Variants in CARD10 observed in about 807,000 individuals in gnomAD.
CARD10 encodes the protein caspase recruitment domain-containing protein 10.
A neutral mutation model predicts 114.6 loss-of-function variants in CARD10; 49 were observed. That is an observed-to-expected ratio of 0.43 (90% CI 0.34 to 0.54). CARD10 has a LOEUF of 0.54. Ranked by LOEUF, CARD10 falls within the 20% of genes least tolerant of loss-of-function variation. CARD10 has a pLI of 0.03. For missense variants in CARD10, 1,206 were observed against 1,397.2 expected (o/e 0.86, Z 2.18); for synonymous variants, 602 against 593.2 (o/e 1.01, Z -0.21).
intron 16 of CARD10, among the ~76,000 whole-genome samples, chr22:37,493,479 G>A (rs886858760): frequency 2.0e-5 from 3 of 152,116 alleles, no homozygotes; most frequent in South Asian, 2.1e-4. Context: ...GGACAGTCAC[G>A]TCCCCAATGC....
chr22:37,510,155 G>T, intron 4 of CARD10, 57 bp downstream of exon 4: 3 of 1,480,868 alleles, frequency 2.0e-6, no homozygotes, highest in Non-Finnish European at 2.8e-6. Flanking sequence ...CCCAGTACCT[G>T]CTGCAGGCCC....
In CARD10 at chr22:37,495,842, G is replaced by A. The variant is rs368640149; in HGVS notation, c.2221C>T (p.Arg741Trp). 61 of 1,614,020 alleles carry A rather than the reference G, an allele frequency of 3.8e-5. No homozygotes were observed. Among genetic ancestry groups the A allele is most frequent in the Non-Finnish European group, 4.5e-5 (53 of 1,180,050 alleles). Residue 741 changes from arginine (R) to tryptophan (W), a missense_variant, in exon 14 of 20, where the codon CGG (arginine) becomes TGG (tryptophan). By Grantham distance (101) the Arg-to-Trp change is moderately radical. This residue lies in a region of CARD10 where 1,068 missense variants were observed against 1,179.1 expected (regional missense o/e 0.91). Coordinates refer to ENST00000251973, the MANE Select transcript of CARD10 (RefSeq NM_014550.4). ...ILRLVDSAYK[R>W]RQEWFCTRVD... ...CGGGTGCAGAACCATTCCTGCCTCC[G>A]CTTGTATGCCGAGTCCACCAGTCGA... is the stretch of plus-strand genomic sequence containing the variant.
At position 37,497,100 on chromosome 22, in the gene CARD10, C is replaced by T. The variant is rs201385412; in HGVS notation, c.1866G>A (p.Ser622=). 61 of 1,614,256 alleles carry T rather than the reference C, an allele frequency of 3.8e-5. No homozygotes were observed. The highest frequency in any genetic ancestry group is 1.7e-4 in the African/African-American group (13 of 75,070). Residue 622 remains serine, a synonymous_variant, in exon 12 of 20, where the codon TCG becomes TCA. Coordinates refer to ENST00000251973, the MANE Select transcript of CARD10 (RefSeq NM_014550.4). ...CCCCAGACCATCTGTCCCCATAAAA[C>T]GACAGTCCATCTGGTCCCTTGTCCT... ...EPQDKGPDGL[S]FYGDRWSGAV...
Position 37,492,338 on chromosome 22 carries a change from C to A in CARD10, c.2751+97G>T. ...GCCGCCCTGCCAGTGAGCAGCAGAG[C>A]ATGGCCCGCGCTCAGACGCTGGCGC... is the stretch of plus-strand genomic sequence containing the variant. On this transcript the variant is annotated intron_variant, in intron 18 of 19. Transcript: ENST00000251973. The surrounding 1 kb of genome is among the most constrained non-coding windows in gnomAD (Gnocchi z 5.7). 1 of 909,546 alleles carries A rather than the reference C, an allele frequency of 1.1e-6. No homozygotes were observed. The highest frequency in any genetic ancestry group is 2.9e-5 in the Admixed American group (1 of 34,974). 56.3% of individuals were successfully genotyped at this position (909,546 alleles called of 1,614,324 possible). A position where few individuals can be genotyped will look rare whatever the true frequency, so the allele number is the denominator to read the frequency against.
At position 37,519,274 on chromosome 22, in the gene CARD10, C is replaced by T. The variant is rs981074990; in HGVS notation, c.-74G>A. ...GGGCTCCCTAGGGCTAGATGTGCGGCCAAGCACCCCCGGGGCGTCGTCCGC... is the reference window on the plus strand; with the variant it reads ...GGGCTCCCTAGGGCTAGATGTGCGGTCAAGCACCCCCGGGGCGTCGTCCGC... On this transcript the variant is annotated 5_prime_UTR_variant, in exon 1 of 20. Transcript: ENST00000251973. The surrounding 1 kb of genome is among the most constrained non-coding windows in gnomAD (Gnocchi z 4.1). The T allele has an allele frequency of 5.8e-6, 8 of 1,389,230 alleles. No homozygotes were observed. The South Asian group carries it at 9.6e-5, about 17-fold the overall frequency. The allele number at this position is 1,389,230 out of a possible 1,614,324, so 86.1% of individuals were successfully genotyped here.
chr22:37,518,457 C>T (rs904080382), intron 1 of CARD10, among the ~76,000 whole-genome samples: 1 of 152,194 alleles, frequency 6.6e-6, no homozygotes, highest in Admixed American at 6.5e-5. Context: ...GAAATTCCAC[C>T]ATTAAAGACC....
rs201423754 is a variant in CARD10, at chr22:37,497,164, C to T, written c.1802G>A (p.Arg601Gln). ...CCCTGGGGGGCTCCGGCCAGACACCCGAATAGCCAGAGACCTGAGAAGGGA... is the reference window on the plus strand; with the variant it reads ...CCCTGGGGGGCTCCGGCCAGACACCTGAATAGCCAGAGACCTGAGAAGGGA... ...LDFLNRSLAI[R>Q]VSGRSPPGGP... is the part of the protein sequence containing the mutation. The change falls in exon 12 of 20, where the codon CGG becomes CAG. Residue 601 changes from arginine to glutamine, a missense_variant. Coordinates refer to ENST00000251973, the MANE Select transcript of CARD10 (RefSeq NM_014550.4). 207 of 1,613,156 alleles carry T rather than the reference C, an allele frequency of 1.3e-4. 3 individuals carry two copies. The Middle Eastern group carries it at 5.9e-3, about 46-fold the overall frequency.
Position 37,495,023 on chromosome 22 carries a change from C to T in CARD10, c.2373+494G>A, listed in dbSNP as rs559554771. Among the ~76,000 whole-genome samples the T allele has an allele frequency of 5.9e-5, 9 of 151,972 alleles. No homozygotes were observed. The East Asian group carries it at 9.7e-4, about 16-fold the overall frequency. On this transcript the variant is annotated intron_variant, in intron 15 of 19. Transcript: ENST00000251973. ...TGTGGCCCAGGCTGGAGTGCAGTGG[C>T]GCGATCTTGGCTCACTGCAAGCTCC...
In CARD10 at chr22:37,504,199, C is replaced by T. The variant is rs542339780; in HGVS notation, c.1621G>A (p.Ala541Thr). 64 of 1,561,538 alleles carry T rather than the reference C, an allele frequency of 4.1e-5. No individual in the cohort carries two copies. In the South Asian group the frequency reaches 4.4e-4, roughly 11 times the overall value. ...ILRRQREEDP[A>T]PPKRSFSSMS... ...CAGCCATCTCACCTCTTAGGGGGTGCGGGGTCTTCCTCACGCTGCCGGCGG... is the reference window on the plus strand; with the variant it reads ...CAGCCATCTCACCTCTTAGGGGGTGTGGGGTCTTCCTCACGCTGCCGGCGG... Residue 541 changes from alanine (A) to threonine (T), a missense_variant, in exon 9 of 20, where the codon GCA becomes ACA. Ala to Thr is a moderately conservative substitution (Grantham distance 58). Transcript: ENST00000251973.
chr22:37,510,011 C>G (rs1219845959), intron 4 of CARD10, among the ~76,000 whole-genome samples: 1 of 82,908 alleles, frequency 1.2e-5, no homozygotes, highest in Non-Finnish European at 2.6e-5. Flanking sequence ...CACCCCCGTG[C>G]CCATGGGCCC....
chr22:37,494,299 G>A lies in CARD10; in HGVS notation c.2374-111C>T, dbSNP rs1005552538. ...GGGCCCCACTGCCACTGTGGTCCAG[G>A]CTTGCCAGAAGAGCCTGGGTCAGCA... is the stretch of plus-strand genomic sequence containing the variant. On this transcript the variant is annotated intron_variant, in intron 15 of 19. Coordinates refer to ENST00000251973, the MANE Select transcript of CARD10 (RefSeq NM_014550.4). 2.1e-5 allele frequency: 15 copies of A among 706,458 alleles called. No individual in the cohort carries two copies. In the African/African-American group the frequency reaches 2.5e-4, roughly 12 times the overall value. 43.8% of individuals were successfully genotyped at this position (706,458 alleles called of 1,614,324 possible).
In CARD10 at chr22:37,491,817, C is replaced by G. The variant is rs1199409257; in HGVS notation, c.2802G>C (p.Gln934His). Reference protein sequence around the residue: ...LGARGVRELVQNEIYPIVIHV... With the variant: ...LGARGVRELVHNEIYPIVIHV... ...GGATGACGATGGGGTAGATCTCGTTCTGCACCAGCTCCCGCACACCCCGAG... is the reference window on the plus strand; with the variant it reads ...GGATGACGATGGGGTAGATCTCGTTGTGCACCAGCTCCCGCACACCCCGAG... The change falls in exon 19 of 20, where the codon CAG (glutamine) becomes CAC (histidine). Residue 934 changes from glutamine (Q) to histidine (H), a missense_variant. Coordinates refer to ENST00000251973, the MANE Select transcript of CARD10 (RefSeq NM_014550.4). 1 of 1,439,644 alleles carries G rather than the reference C, an allele frequency of 6.9e-7. No individual in the cohort carries two copies. The highest frequency in any genetic ancestry group is 1.1e-5 in the South Asian group (1 of 88,462). The allele number at this position is 1,439,644 out of a possible 1,614,324, so 89.2% of individuals were successfully genotyped here.
At chr22:37,495,406 G>A (rs910833868) in intron 15 of CARD10, 111 bp downstream of exon 15, 4 of 780,376 alleles carry the variant, frequency 5.1e-6, no homozygotes, top group Non-Finnish European at 2.1e-6. Flanking sequence ...AAATCACCAG[G>A]GAAGGAGGGA....
At chr22:37,507,583 C>T (rs1462856556) in intron 6 of CARD10, among the ~76,000 whole-genome samples, 1 of 152,210 alleles carries the variant, frequency 6.6e-6, no homozygotes, top group Non-Finnish European at 1.5e-5. Flanking sequence ...AATGAAGACA[C>T]CAGGACCAGC....
chr22:37,507,848 A>G lies in CARD10; in HGVS notation c.1172T>C (p.Ile391Thr), dbSNP rs769186770. 43 of 1,613,920 alleles carry G rather than the reference A, an allele frequency of 2.7e-5. No individual in the cohort carries two copies. Among genetic ancestry groups the G allele is most frequent in the East Asian group, 2.0e-4 (9 of 44,878 alleles). ...GCTCACCTGGTCTCGCTCCTTCTCA[A>G]TCTCCTCCAGTTGGGCCAGGACAGT... ...MATVLAQLEE[I>T]EKERDQAIQS... The change falls in exon 6 of 20, where the codon ATT (isoleucine) becomes ACT (threonine). Residue 391 changes from isoleucine (I) to threonine (T), a missense_variant. By Grantham distance (89) the Ile-to-Thr change is moderately conservative. This residue lies in a region of CARD10 where 1,068 missense variants were observed against 1,179.1 expected (regional missense o/e 0.91). Coordinates refer to ENST00000251973, the MANE Select transcript of CARD10 (RefSeq NM_014550.4).
intron 11 of CARD10, among the ~76,000 whole-genome samples, chr22:37,500,514 G>A (rs997955392): frequency 2.0e-5 from 3 of 148,310 alleles, no homozygotes; most frequent in East Asian, 2.0e-4. Flanking sequence ...ATCCCCTCCC[G>A]GCACCCAGGC....
At chr22:37,509,495 T>C (rs921892296) in intron 4 of CARD10, among the ~76,000 whole-genome samples, 9 of 152,038 alleles carry the variant, frequency 5.9e-5, no homozygotes, top group Non-Finnish European at 1.3e-4. Flanking sequence ...AGATCTCAGA[T>C]CCCTGGTTCT....
At position 37,496,529 on chromosome 22, in the gene CARD10, G is replaced by C; in HGVS notation, c.1979C>G (p.Ala660Gly). The change falls in exon 13 of 20, where the codon GCG becomes GGG. Residue 660 changes from alanine to glycine, a missense_variant. This residue lies in a region of CARD10 where 1,068 missense variants were observed against 1,179.1 expected (regional missense o/e 0.91). Coordinates refer to ENST00000251973, the MANE Select transcript of CARD10 (RefSeq NM_014550.4). The surrounding 1 kb of genome is among the most constrained non-coding windows in gnomAD (Gnocchi z 4.1). The part of the protein sequence containing the change: ...QRVEAAGLEG[A>G]CLEAEAQQRT... Reference sequence around the variant, plus strand: ...CTGCTGGGCCTCGGCTTCCAGGCACGCCCCCTCCAGACCAGCAGCTTCCAC... The same window carrying C: ...CTGCTGGGCCTCGGCTTCCAGGCACCCCCCCTCCAGACCAGCAGCTTCCAC... The C allele has an allele frequency of 1.2e-6, 2 of 1,613,496 alleles. No individual in the cohort carries two copies. The highest frequency in any genetic ancestry group is 1.7e-6 in the Non-Finnish European group (2 of 1,179,774).
rs771890337 is a variant in CARD10 at position 37,518,103 on chromosome 22, G to A, written c.241C>T (p.Leu81=). ...CCACGGCAGCGCAAGATGTCCATCA[G>A]GCGCCCTACAGAGTAGTGGGGGGAT... ...FPCRVNRTGR[L]MDILRCRGKR... The change falls in exon 2 of 20, where the codon CTG becomes TTG. Residue 81 remains leucine (L), a synonymous_variant. Coordinates refer to ENST00000251973, the MANE Select transcript of CARD10 (RefSeq NM_014550.4). 1.2e-6 allele frequency: 2 copies of A among 1,613,760 alleles called. No individual in the cohort carries two copies. Among genetic ancestry groups the A allele is most frequent in the Admixed American group, 1.7e-5 (1 of 60,018 alleles).
Sources: gnomAD v4.1 joint callset for allele counts (sites outside exome capture counted in the v4.1 genomes callset) on GRCh38, gnomAD v4.1.1 for gene constraint, gnomAD v4.1.1 regional missense constraint, Gnocchi (gnomAD v3.1) non-coding constraint, MANE v1.5 for transcripts, NCBI Gene and HGNC (gene_info 2026-07-23, HGNC 2026-07-21) for gene names.